The following TMCC3 variants were observed in gnomAD, a reference collection of about 807,000 sequenced individuals.
The protein encoded by TMCC3 is transmembrane and coiled-coil domain family 3.
A neutral mutation model predicts 40.2 loss-of-function variants in TMCC3; 28 were observed. The observed-to-expected ratio is 0.70, with a 90% CI of 0.52 to 0.95. The LOEUF (loss-of-function observed/expected upper bound fraction) is 0.95, where lower values mean the gene tolerates loss of function less well. Ranked by LOEUF, TMCC3 falls within the 40% of genes least tolerant of loss-of-function variation. The probability of loss-of-function intolerance (pLI) is 0.00; values close to 1 mark genes in which losing one functional copy is unlikely to be tolerated. For missense variants in TMCC3, 554 were observed against 615.2 expected (o/e 0.90, Z 1.05); for synonymous variants, 255 against 248.5 (o/e 1.03, Z -0.25).
chr12:94,644,274 C>T (rs2069006164), intron 1 of TMCC3: 1 of 480,758 alleles, frequency 2.1e-6, no homozygotes, highest in South Asian at 8.8e-5. Flanking sequence ...TCTCTTGTCA[C>T]CCTCCTCCCC....
rs77556861 is a variant in TMCC3 at position 94,593,452 on chromosome 12, G to A, written c.79-10914C>T. 4.2e-3 allele frequency among the ~76,000 whole-genome samples: 521 copies of A among 122,814 alleles called. 72 individuals are homozygous for A. Among genetic ancestry groups the A allele is most frequent in the African/African-American group, 0.017 (483 of 27,904 alleles). 80.6% of individuals were successfully genotyped at this position (122,814 alleles called of 152,430 possible). A position where few individuals can be genotyped will look rare whatever the true frequency, so the allele number is the denominator to read the frequency against. On this transcript the variant is annotated intron_variant, in intron 1 of 3. Coordinates refer to ENST00000261226, the MANE Select transcript of TMCC3 (RefSeq NM_020698.4). Reference sequence around the variant, plus strand: ...GAAGAAGGAGAAGGAGAAGGAGAAGGAGAAGAAGAAGAAGAAGAAGAAGAA... The same window carrying A: ...GAAGAAGGAGAAGGAGAAGGAGAAGAAGAAGAAGAAGAAGAAGAAGAAGAA...
At chr12:94,573,316 C>T (rs546213865) in intron 3 of TMCC3, among the ~76,000 whole-genome samples, 52 of 152,158 alleles carry the variant, frequency 3.4e-4, no homozygotes, top group Non-Finnish European at 6.2e-4. Context: ...TCTAAGTCAC[C>T]GGGATCTCCT....
rs138740820 is a variant in TMCC3, at chr12:94,595,582, T to A, written c.79-13044A>T. Among the ~76,000 whole-genome samples, 347 of 152,326 alleles carry A rather than the reference T, an allele frequency of 2.3e-3. 1 individual carries two copies. Among genetic ancestry groups the A allele is most frequent in the African/African-American group, 7.0e-3 (290 of 41,572 alleles). ...ATTTATTTTTTGGTAGTATAACAAA[T>A]ACTGGAGGGAAAAACATGTACTGGA... On this transcript the variant is annotated intron_variant, in intron 1 of 3. Coordinates refer to ENST00000261226, the MANE Select transcript of TMCC3 (RefSeq NM_020698.4).
In TMCC3 at chr12:94,578,546, C is replaced by T; in HGVS notation, c.996-17G>A. On this transcript the variant is annotated splice_polypyrimidine_tract_variant and intron_variant, in intron 2 of 3. Transcript: ENST00000261226. ...CGCTCATACCTTTAAAAGAGAGGAG[C>T]CGATTCCCAGTGTGACCTTTCACAG... The T allele has an allele frequency of 6.2e-7, 1 of 1,608,226 alleles. No individual in the cohort carries two copies. Among genetic ancestry groups the T allele is most frequent in the Non-Finnish European group, 8.5e-7 (1 of 1,176,540 alleles).
intron 1 of TMCC3, among the ~76,000 whole-genome samples, chr12:94,647,929 C>G (rs562357970): frequency 6.6e-6 from 1 of 152,314 alleles, no homozygotes; most frequent in Admixed American, 6.5e-5. Context: ...TCTACCTATT[C>G]CTCGCTGTCT....
chr12:94,635,949 A>G lies in TMCC3; in HGVS notation c.78+14404T>C, dbSNP rs181256052. 5.3e-3 allele frequency among the ~76,000 whole-genome samples: 810 copies of G among 152,166 alleles called. 6 individuals carry two copies. Among genetic ancestry groups the G allele is most frequent in the African/African-American group, 0.018 (759 of 41,456 alleles). ...CTCCCAAAGTGCTGGGATTACATGC[A>G]TAAGCCACTGAGCCTGGCCTCAAAA... is the stretch of plus-strand genomic sequence containing the variant. On this transcript the variant is annotated intron_variant, in intron 1 of 3. Transcript: ENST00000261226.
At chr12:94,607,228 C>G (rs926805117) in intron 1 of TMCC3, among the ~76,000 whole-genome samples, 3 of 152,178 alleles carry the variant, frequency 2.0e-5, no homozygotes, top group African/African-American at 7.2e-5. Context: ...TCCCTTATTC[C>G]CTGAAAATCA....
intron 1 of TMCC3, among the ~76,000 whole-genome samples, chr12:94,604,824 A>AAG (rs1487036260): frequency 6.7e-6 from 1 of 149,848 alleles, no homozygotes; most frequent in Non-Finnish European, 1.5e-5. Flanking sequence ...AAAAAAAAAA[A>AAG]GAAGTAATAA....
At chr12:94,622,872 C>T (rs1338361801) in intron 1 of TMCC3, among the ~76,000 whole-genome samples, 1 of 149,572 alleles carries the variant, frequency 6.7e-6, no homozygotes, top group Middle Eastern at 3.3e-3. Flanking sequence ...AACCTCAACA[C>T]TTCTGTATTT....
chr12:94,582,186 T>C lies in TMCC3; in HGVS notation c.431A>G (p.Glu144Gly). ...TGAGCTCCTAGAGGCTCCATTCTGCTCGATCTCTCTGAGCTTTCGATGATA... is the reference window on the plus strand; with the variant it reads ...TGAGCTCCTAGAGGCTCCATTCTGCCCGATCTCTCTGAGCTTTCGATGATA... The part of the protein sequence containing the change: ...EQYHRKLREI[E>G]QNGASRSSKD... Residue 144 changes from glutamate (E) to glycine (G), a missense_variant, in exon 2 of 4, where the codon GAG becomes GGG. By Grantham distance (98) the Glu-to-Gly change is moderately conservative (BLOSUM62 -2). Coordinates refer to ENST00000261226, the MANE Select transcript of TMCC3 (RefSeq NM_020698.4). The C allele has an allele frequency of 6.2e-7, 1 of 1,614,152 alleles. No homozygotes were observed. The highest frequency in any genetic ancestry group is 1.1e-5 in the South Asian group (1 of 91,082).
At chr12:94,619,361 C>T (rs891882538) in intron 1 of TMCC3, among the ~76,000 whole-genome samples, 57 of 152,180 alleles carry the variant, frequency 3.7e-4, no homozygotes, top group African/African-American at 1.3e-3. Flanking sequence ...AACCTATGAC[C>T]CAAAGCACTC....
In TMCC3 at chr12:94,582,489, C is replaced by G; in HGVS notation, c.128G>C (p.Arg43Pro). 6.2e-7 allele frequency: 1 copy of G among 1,613,726 alleles called. No homozygotes were observed. The highest frequency in any genetic ancestry group is 8.5e-7 in the Non-Finnish European group (1 of 1,179,976). The change falls in exon 2 of 4, where the codon CGA becomes CCA. Residue 43 changes from arginine to proline, a missense_variant. By Grantham distance (103) the Arg-to-Pro change is moderately radical. Coordinates refer to ENST00000261226, the MANE Select transcript of TMCC3 (RefSeq NM_020698.4). ...GTTGAGGTTGGTGTCTGACCCCCCT[C>G]GGCGTATGTTCAGGGGCAGGCTTAA... ...NTLSLPLNIR[R>P]GGSDTNLNFD... is the part of the protein sequence containing the mutation.
intron 1 of TMCC3, among the ~76,000 whole-genome samples, chr12:94,637,222 T>C (rs937765718): frequency 6.6e-6 from 1 of 152,214 alleles, no homozygotes; most frequent in Non-Finnish European, 1.5e-5. Context: ...TATGAAAATA[T>C]GATCTATTGT....
At chr12:94,616,638 T>C (rs935191847) in intron 1 of TMCC3, among the ~76,000 whole-genome samples, 5 of 151,620 alleles carry the variant, frequency 3.3e-5, no homozygotes, top group Non-Finnish European at 7.4e-5. Context: ...AGGAGAGTAC[T>C]TGGTGCTAAG....
intron 3 of TMCC3, among the ~76,000 whole-genome samples, chr12:94,575,106 T>TA (rs201635370): frequency 0.011 from 1,651 of 152,272 alleles, 11 homozygotes; most frequent in Non-Finnish European, 0.016. Flanking sequence ...ATTCAGGGTT[T>TA]AAAAAACCAC....
At chr12:94,572,702 T>C (rs1306633431) in intron 3 of TMCC3, among the ~76,000 whole-genome samples, 1 of 152,204 alleles carries the variant, frequency 6.6e-6, no homozygotes, top group East Asian at 1.9e-4. Context: ...GAGGTTCCAC[T>C]TTGTGACTAC....
rs1566311342 is a variant in TMCC3, at chr12:94,571,580, G to GACAC, written c.1285_1288dup (p.Ser430CysfsTer33). ...GGGTGAGACGAACTTCGCGATGGTG[G>GACAC]ACACACACACTAAGATGACAGTCAT... On this transcript the variant is annotated frameshift_variant, in exon 4 of 4. Transcript: ENST00000261226. LOFTEE classifies it high-confidence loss of function. 3.1e-6 allele frequency: 5 copies of GACAC among 1,614,102 alleles called. No homozygotes were observed. The South Asian group carries it at 5.5e-5, about 18-fold the overall frequency.
intron 1 of TMCC3, among the ~76,000 whole-genome samples, chr12:94,620,007 T>C (rs1226051744): frequency 6.6e-6 from 1 of 151,904 alleles, no homozygotes; most frequent in East Asian, 2.0e-4. Flanking sequence ...CTACTAAAAA[T>C]GCAAAATTAG....
chr12:94,579,471 C>T (rs1176818550), intron 2 of TMCC3, among the ~76,000 whole-genome samples: 2 of 152,242 alleles, frequency 1.3e-5, no homozygotes, highest in Admixed American at 1.3e-4. Flanking sequence ...CGCGCCACTG[C>T]ACTCTAGCCT....
Sources: allele counts gnomAD v4.1 joint callset (sites outside exome capture counted in the v4.1 genomes callset), GRCh38; gene constraint gnomAD v4.1.1; transcripts MANE v1.5; gene names NCBI Gene and HGNC (gene_info 2026-07-23, HGNC 2026-07-21).